Variants in FOXP1 observed in about 807,000 individuals in gnomAD.
FOXP1 encodes forkhead box P1, also known as forkhead box protein P1.
A neutral mutation model predicts 98.2 loss-of-function variants in FOXP1; 15 were observed. The observed-to-expected ratio is 0.15, with a 90% CI of 0.10 to 0.24. The LOEUF (loss-of-function observed/expected upper bound fraction) is 0.24, where lower values mean the gene tolerates loss of function less well. Ranked by LOEUF, FOXP1 falls within the 10% of genes least tolerant of loss-of-function variation. The pLI, the probability that FOXP1 is intolerant of heterozygous loss-of-function variation, is 1.00. For missense variants in FOXP1, 633 were observed against 848.5 expected, an observed-to-expected ratio of 0.75 and a Z score of 3.15; for synonymous variants, 371 against 314.5, an observed-to-expected ratio of 1.18 and a Z score of -1.90.
intron 2 of FOXP1, among the ~76,000 whole-genome samples, chr3:71,562,901 T>C (rs1399855317): frequency 3.3e-5 from 5 of 152,216 alleles, no homozygotes; most frequent in Admixed American, 2.6e-4. Context: ...GTCTCTATTT[T>C]ATTTGGTATT....
At chr3:71,565,024 C>T (rs1375351750) in intron 2 of FOXP1, among the ~76,000 whole-genome samples, 4 of 152,058 alleles carry the variant, frequency 2.6e-5, no homozygotes, top group African/African-American at 4.8e-5. Context: ...CTCTTGAACC[C>T]GGGAGGCGAG....
chr3:71,567,382 C>T (rs1405306049), intron 2 of FOXP1, among the ~76,000 whole-genome samples: 1 of 151,846 alleles, frequency 6.6e-6, no homozygotes, highest in African/African-American at 2.4e-5. Context: ...GCAGAGACTC[C>T]GTCATTTGCT....
intron 3 of FOXP1, among the ~76,000 whole-genome samples, chr3:71,437,722 A>G (rs1367856242): frequency 2.0e-5 from 3 of 152,206 alleles, no homozygotes; most frequent in Admixed American, 2.0e-4. Context: ...GTCTGTGATC[A>G]TCATAATGCC....
chr3:71,027,342 T>G (rs2046270278), intron 11 of FOXP1, among the ~76,000 whole-genome samples: 1 of 152,184 alleles, frequency 6.6e-6, no homozygotes, highest in Non-Finnish European at 1.5e-5. Flanking sequence ...TTCTAAGAGT[T>G]ACATCATACT....
intron 6 of FOXP1, among the ~76,000 whole-genome samples, chr3:71,194,721 TG>T (rs2096112167): frequency 6.6e-6 from 1 of 152,200 alleles, no homozygotes; most frequent in East Asian, 1.9e-4. Context: ...AAAGCAGTTA[TG>T]GTATCGGGTA....
At chr3:71,407,012 T>C (rs975737628) in intron 3 of FOXP1, among the ~76,000 whole-genome samples, 3 of 152,246 alleles carry the variant, frequency 2.0e-5, no homozygotes, top group African/African-American at 4.8e-5. Flanking sequence ...ATATCAGATA[T>C]GCTATCATGT....
At chr3:71,097,889 T>G (rs2056610462) in intron 7 of FOXP1, among the ~76,000 whole-genome samples, 1 of 152,226 alleles carries the variant, frequency 6.6e-6, no homozygotes, top group African/African-American at 2.4e-5. Context: ...AATTTTATCT[T>G]CTGGAAATGC....
chr3:71,444,514 C>T (rs909474240), intron 3 of FOXP1, among the ~76,000 whole-genome samples: 9 of 152,022 alleles, frequency 5.9e-5, no homozygotes, highest in Admixed American at 3.3e-4. Context: ...ACTGTCAGGG[C>T]CCTGGCTCCA....
intron 17 of FOXP1, among the ~76,000 whole-genome samples, chr3:70,976,433 A>T (rs1257691114): frequency 6.6e-6 from 1 of 152,210 alleles, no homozygotes; most frequent in African/African-American, 2.4e-5. Flanking sequence ...CTCCATTAAT[A>T]ACTCCTACAA....
intron 4 of FOXP1, among the ~76,000 whole-genome samples, chr3:71,356,736 C>T (rs898679948): frequency 6.6e-6 from 1 of 152,188 alleles, no homozygotes; most frequent in Non-Finnish European, 1.5e-5. Context: ...GCCAATCTAA[C>T]TTCAAAGCAG....
chr3:71,300,301 G>A (rs1225255731), intron 4 of FOXP1, among the ~76,000 whole-genome samples: 4 of 152,164 alleles, frequency 2.6e-5, no homozygotes, highest in African/African-American at 9.6e-5. Context: ...CCTTTTGGAA[G>A]AGAGTTAGGT....
chr3:71,162,892 C>A (rs1352362514), intron 6 of FOXP1, among the ~76,000 whole-genome samples: 1 of 152,096 alleles, frequency 6.6e-6, no homozygotes, highest in Non-Finnish European at 1.5e-5. Context: ...AAAATCTTCC[C>A]GGTAGCATTT....
chr3:71,529,720 T>C (rs1418466835), intron 2 of FOXP1, among the ~76,000 whole-genome samples: 1 of 152,188 alleles, frequency 6.6e-6, no homozygotes, highest in African/African-American at 2.4e-5. Flanking sequence ...ATGCTGAACA[T>C]GTCGAGGTTC....
At chr3:71,440,856 C>G (rs1214223319) in intron 3 of FOXP1, among the ~76,000 whole-genome samples, 1 of 152,044 alleles carries the variant, frequency 6.6e-6, no homozygotes, top group East Asian at 1.9e-4. Context: ...CACAGTGAGA[C>G]CCTGTCTCAA....
chr3:71,531,464 CT>C (rs2043842512), intron 2 of FOXP1, among the ~76,000 whole-genome samples: 1 of 152,046 alleles, frequency 6.6e-6, no homozygotes. Context: ...CCAGTCCACC[CT>C]GGTTTAAATA....
chr3:71,464,842 C>T (rs1198338644), intron 3 of FOXP1, among the ~76,000 whole-genome samples: 3 of 152,212 alleles, frequency 2.0e-5, no homozygotes, highest in African/African-American at 4.8e-5. Flanking sequence ...GGAAACCAGA[C>T]TGCCCCAAGT....
In FOXP1 at chr3:71,265,847, C is replaced by T. The variant is rs193052875; in HGVS notation, c.-12+33973G>A. ...CATTGGAATCACGTAGGAGGGGGCGCGAAAAGTGAAGGTCACATTTCAGGT... is the reference window on the plus strand; with the variant it reads ...CATTGGAATCACGTAGGAGGGGGCGTGAAAAGTGAAGGTCACATTTCAGGT... On this transcript the variant is annotated intron_variant, in intron 5 of 20. Coordinates refer to ENST00000649528, the MANE Select transcript of FOXP1 (RefSeq NM_001349338.3). 4.1e-4 allele frequency among the ~76,000 whole-genome samples: 62 copies of T among 152,200 alleles called. 1 individual carries two copies. Among genetic ancestry groups the T allele is most frequent in the African/African-American group, 1.1e-3 (44 of 41,524 alleles).
chr3:71,479,887 A>G (rs924098971), intron 3 of FOXP1, among the ~76,000 whole-genome samples: 1 of 152,060 alleles, frequency 6.6e-6, no homozygotes, highest in African/African-American at 2.4e-5. Context: ...TGCTTTCATC[A>G]TCTGGAAATA....
chr3:71,491,808 T>C (rs1234480368), intron 3 of FOXP1, among the ~76,000 whole-genome samples: 1 of 152,226 alleles, frequency 6.6e-6, no homozygotes, highest in Non-Finnish European at 1.5e-5. Context: ...TTTTAATGTA[T>C]ACAAGGGGAA....
Sources: allele counts gnomAD v4.1 joint callset (sites outside exome capture counted in the v4.1 genomes callset), GRCh38; gene constraint gnomAD v4.1.1; transcripts MANE v1.5; gene names NCBI Gene and HGNC (gene_info 2026-07-23, HGNC 2026-07-21).